LY6G5B: variants seen among roughly 807,000 people sequenced by gnomAD.
LY6G5B encodes the protein lymphocyte antigen 6 complex locus protein G5b.
In LY6G5B, 6 loss-of-function variants were observed where a neutral mutation model predicts 6.7. The observed-to-expected ratio is 0.89, with a 90% CI of 0.49 to 1.76. The LOEUF (loss-of-function observed/expected upper bound fraction) is 1.76. Among genes scored for constraint, LY6G5B ranks in the 40% most tolerant of loss-of-function variants. LY6G5B has a pLI of 0.01. For synonymous variants in LY6G5B, 98 were observed against 99.4 expected, an observed-to-expected ratio of 0.99 and a Z score of 0.09; for missense variants, 240 against 249.5, an observed-to-expected ratio of 0.96 and a Z score of 0.26.
chr6:31,671,435 G>T (rs1802209299), intron 2 of LY6G5B, 151 bp downstream of exon 2: 2 of 1,166,782 alleles, frequency 1.7e-6, no homozygotes, highest in Non-Finnish European at 1.2e-6. Flanking sequence ...TAGCACTTTG[G>T]GAGGCTGAGG....
At chr6:31,671,030 G>T (rs779491454) in intron 1 of LY6G5B, 22 bp downstream of exon 1, 2 of 1,611,262 alleles carry the variant, frequency 1.2e-6, no homozygotes, top group Admixed American at 1.7e-5. Flanking sequence ...CCAGGGGCAG[G>T]GAGGGAGGAA....
chr6:31,672,300 T>C lies in LY6G5B; in HGVS notation c.*18T>C, dbSNP rs951486762. On this transcript the variant is annotated 3_prime_UTR_variant, in exon 3 of 3. Transcript: ENST00000375864. ...CTTCCTGAATTCCACAGTGCAAATA[T>C]CTTTCTGTAACACCCTCAGCATCCT... The C allele has an allele frequency of 4.4e-6, 7 of 1,601,456 alleles. No individual in the cohort carries two copies. The Admixed American group carries it at 5.1e-5, about 12-fold the overall frequency.
exon 2 of LY6G5B, chr6:31,671,252 C>T (rs1802189086): frequency 1.2e-6 from 2 of 1,613,680 alleles, no homozygotes; most frequent in African/African-American, 1.3e-5. Context: ...ATCAGCAGCT[C>T]ATCCCTGTGC....
In LY6G5B at chr6:31,671,899, C is replaced by T; in HGVS notation, c.223C>T (p.Gln75Ter). The change falls in exon 3 of 3, where the codon CAG becomes TAG. Residue 75 changes from glutamine (Q) to a stop codon, truncating the protein, a stop_gained. Transcript: ENST00000375864. LOFTEE classifies it low-confidence loss of function (END_TRUNC). ...TCGCTTCATCGTTCGAGGCTGTGGACAGTACATTTCCTACCGCTGCCAAGA... is the reference window on the plus strand; with the variant it reads ...TCGCTTCATCGTTCGAGGCTGTGGATAGTACATTTCCTACCGCTGCCAAGA... 3 of 1,612,944 alleles carry T rather than the reference C, an allele frequency of 1.9e-6. No individual in the cohort carries two copies. Among genetic ancestry groups the T allele is most frequent in the South Asian group, 1.1e-5 (1 of 91,078 alleles).
chr6:31,671,936 C>G, exon 3 of LY6G5B: 1 of 1,613,076 alleles, frequency 6.2e-7, no homozygotes, highest in South Asian at 1.1e-5. Flanking sequence ...AAACGCAACA[C>G]CTACTTTGCA....
exon 3 of LY6G5B, chr6:31,672,730 C>T (rs1303341818): frequency 5.8e-6 from 1 of 172,444 alleles, no homozygotes; most frequent in Non-Finnish European, 1.2e-5. Flanking sequence ...AGGTGTGAGC[C>T]ACTGTGCCTG....
At chr6:31,671,404 A>G in intron 2 of LY6G5B, 120 bp downstream of exon 2, 1 of 1,431,146 alleles carries the variant, frequency 7.0e-7, no homozygotes, top group South Asian at 1.2e-5. Flanking sequence ...GGCTGAGTGC[A>G]ATGGCTCATG....
chr6:31,673,518 C>G (rs1386550707), exon 3 of LY6G5B: 1 of 152,424 alleles, frequency 6.6e-6, no homozygotes, highest in Non-Finnish European at 1.5e-5. Flanking sequence ...CCCCATTTTC[C>G]TCCACAATAA....
rs35981362 is a variant in LY6G5B at position 31,670,831 on chromosome 6, C to A, written c.-120C>A. 13 of 994,466 alleles carry A rather than the reference C, an allele frequency of 1.3e-5. No homozygotes were observed. In the African/African-American group the frequency reaches 1.9e-4, roughly 15 times the overall value. The allele number at this position is 994,466 out of a possible 1,614,324, so 61.6% of individuals were successfully genotyped here. On this transcript the variant is annotated 5_prime_UTR_variant, in exon 1 of 3. Transcript: ENST00000375864. ...TAGGAATATAGCTCTGCATTTACAG[C>A]AGCTCCTGCTCAGACCTTGTCAAAA...
exon 3 of LY6G5B, chr6:31,673,093 C>G (rs987755866): frequency 1.3e-5 from 2 of 152,024 alleles, no homozygotes; most frequent in Non-Finnish European, 1.5e-5. Context: ...TGGTAAAACC[C>G]GCTCTCTATT....
chr6:31,670,008 TTTAAA>T (rs1216726269), upstream of LY6G5B: 2 of 1,185,756 alleles, frequency 1.7e-6, no homozygotes, highest in African/African-American at 1.6e-5. Flanking sequence ...TGGTTTTTAG[TTTAAA>T]TTAAAGGAGT....
At chr6:31,671,978 A>G (rs1180085428) in exon 3 of LY6G5B, 1 of 1,613,050 alleles carries the variant, frequency 6.2e-7, no homozygotes, top group South Asian at 1.1e-5. Context: ...TGCTGTCAGT[A>G]CGATTATTGC....
chr6:31,671,923 G>A, exon 3 of LY6G5B: 6 of 1,613,080 alleles, frequency 3.7e-6, no homozygotes, highest in Non-Finnish European at 4.2e-6. Flanking sequence ...CCGCTGCCAA[G>A]AAAAACGCAA....
exon 3 of LY6G5B, chr6:31,672,115 C>T: frequency 6.2e-7 from 1 of 1,613,116 alleles, no homozygotes; most frequent in Non-Finnish European, 8.5e-7. Context: ...CCTGCCCCTC[C>T]CCAATTTCCA....
exon 1 of LY6G5B, chr6:31,670,529 G>A (rs865921298): frequency 1.1e-5 from 2 of 189,148 alleles, no homozygotes; most frequent in Admixed American, 5.5e-5. Flanking sequence ...TCCTGGCCAG[G>A]TTGTCCCAGC....
upstream of LY6G5B, chr6:31,670,121 G>A: frequency 1.7e-6 from 1 of 590,380 alleles, no homozygotes; most frequent in Non-Finnish European, 2.9e-6. Context: ...TGGTGTGTTG[G>A]ACTCCAGGGG....
chr6:31,670,471 C>G (rs1273793627), exon 1 of LY6G5B: 1 of 175,224 alleles, frequency 5.7e-6, no homozygotes, highest in Non-Finnish European at 1.2e-5. Context: ...GTGCCTGCCG[C>G]TGGTGGAGCT....
chr6:31,672,253 G>C, exon 3 of LY6G5B: 1 of 1,613,032 alleles, frequency 6.2e-7, no homozygotes, highest in Non-Finnish European at 8.5e-7. Flanking sequence ...TCTTCCCCAG[G>C]CTGGACTCTT....
chr6:31,671,665 T>TC (rs1802226503), intron 2 of LY6G5B, among the ~76,000 whole-genome samples, 199 bp from the exon 3 acceptor site: 2 of 151,834 alleles, frequency 1.3e-5, no homozygotes, highest in Non-Finnish European at 2.9e-5. Context: ...AGACCCTGTC[T>TC]CAAAAAAAAC....
Sources: allele counts gnomAD v4.1 joint callset (sites outside exome capture counted in the v4.1 genomes callset), GRCh38; gene constraint gnomAD v4.1.1; transcripts MANE v1.5; gene names NCBI Gene and HGNC (gene_info 2026-07-23, HGNC 2026-07-21).